APP: variants seen among roughly 807,000 people sequenced by gnomAD.
APP encodes amyloid-beta precursor protein.
A neutral mutation model predicts 101.4 loss-of-function variants in APP; 31 were observed. The observed-to-expected ratio is 0.31, with a 90% CI of 0.23 to 0.41. APP has a LOEUF of 0.41. Ranked by LOEUF, APP falls within the 10% of genes least tolerant of loss-of-function variation. APP has a pLI of 1.00. For missense variants in APP, 839 were observed against 1,003.7 expected (o/e 0.84, Z 2.22); for synonymous variants, 366 against 364.4 (o/e 1.00, Z -0.05).
intron 8 of APP, 91 bp downstream of exon 8, chr21:25,997,269 A>C (rs1413271136): frequency 1.6e-6 from 2 of 1,257,670 alleles, no homozygotes; most frequent in Non-Finnish European, 2.3e-6. Context: ...GAAACACAAA[A>C]CCATGCAAAG....
chr21:26,021,001 C>G (rs2044310187), intron 6 of APP, among the ~76,000 whole-genome samples: 1 of 151,710 alleles, frequency 6.6e-6, no homozygotes, highest in Admixed American at 6.6e-5. Context: ...CATAAATCAC[C>G]TCTGTTAAAA....
At chr21:26,007,527 A>C (rs1032082835) in intron 6 of APP, among the ~76,000 whole-genome samples, 1 of 149,790 alleles carries the variant, frequency 6.7e-6, no homozygotes, top group African/African-American at 2.4e-5. Flanking sequence ...ATGTTTACAT[A>C]ATACATATAT....
At chr21:25,951,204 A>G (rs888745719) in intron 13 of APP, among the ~76,000 whole-genome samples, 1 of 152,204 alleles carries the variant, frequency 6.6e-6, no homozygotes, top group Non-Finnish European at 1.5e-5. Flanking sequence ...ACTGCTCACA[A>G]ATTTAATGTC....
chr21:26,152,802 G>A (rs1191446599), intron 1 of APP, among the ~76,000 whole-genome samples: 3 of 152,086 alleles, frequency 2.0e-5, no homozygotes, highest in African/African-American at 7.2e-5. Context: ...GTATCTACCC[G>A]GAGGAAAAGA....
At chr21:26,112,279 C>T in intron 1 of APP, 133 bp from the exon 2 acceptor site, 1 of 899,136 alleles carries the variant, frequency 1.1e-6, no homozygotes, top group Non-Finnish European at 1.8e-6. Context: ...CGGTCTTCAA[C>T]ACTCCTTTAG....
rs185206880 is a variant in APP at position 25,971,105 on chromosome 21, T to C, written c.1458+3965A>G. ...GCTCTGTCACCACACTGGAGTGCAGTGGCACAATCTCGGCTCACTGCAACC... is the reference window on the plus strand; with the variant it reads ...GCTCTGTCACCACACTGGAGTGCAGCGGCACAATCTCGGCTCACTGCAACC... On this transcript the variant is annotated intron_variant, in intron 11 of 17. Coordinates refer to ENST00000346798, the MANE Select transcript of APP (RefSeq NM_000484.4). Among the ~76,000 whole-genome samples, 782 of 152,208 alleles carry C rather than the reference T, an allele frequency of 5.1e-3. 6 individuals carry two copies. Among genetic ancestry groups the C allele is most frequent in the Non-Finnish European group, 8.3e-3 (565 of 67,994 alleles).
intron 2 of APP, among the ~76,000 whole-genome samples, chr21:26,090,714 G>C (rs2061805739): frequency 6.6e-6 from 1 of 152,156 alleles, no homozygotes; most frequent in Admixed American, 6.5e-5. Context: ...GGGATATTAT[G>C]TTTAGTAAAA....
intron 9 of APP, among the ~76,000 whole-genome samples, chr21:25,977,337 G>C (rs1197879490): frequency 3.3e-5 from 5 of 152,166 alleles, no homozygotes; most frequent in African/African-American, 1.2e-4. Context: ...GAAAGATCAA[G>C]GAAACAAAAT....
intron 13 of APP, among the ~76,000 whole-genome samples, chr21:25,914,667 C>A (rs1009188122): frequency 6.6e-6 from 1 of 151,362 alleles, no homozygotes; most frequent in Non-Finnish European, 1.5e-5. Flanking sequence ...CATTCTCCTG[C>A]CTCAGCCTCC....
rs554761825 is a variant in APP, at chr21:25,899,025, G to A, written c.1964-1352C>T. 2.0e-5 allele frequency among the ~76,000 whole-genome samples: 3 copies of A among 152,370 alleles called. No individual in the cohort carries two copies. In the East Asian group the frequency reaches 5.8e-4, roughly 29 times the overall value. The stretch of plus-strand genomic sequence containing the variant: ...AAAACCTAGGAAATCCACGCTGGTT[G>A]TGACCTAGCACCATTTCCTCATCCA... On this transcript the variant is annotated intron_variant, in intron 15 of 17. Transcript: ENST00000346798.
At chr21:25,981,692 A>C (rs1277559198) in intron 9 of APP, among the ~76,000 whole-genome samples, 3 of 150,870 alleles carry the variant, frequency 2.0e-5, no homozygotes, top group Non-Finnish European at 4.4e-5. Flanking sequence ...CTAAAAAAAA[A>C]CAAACCAAAC....
At chr21:26,028,425 G>A (rs898313133) in intron 5 of APP, among the ~76,000 whole-genome samples, 3 of 152,182 alleles carry the variant, frequency 2.0e-5, no homozygotes, top group Non-Finnish European at 4.4e-5. Flanking sequence ...TTGGCCGGAA[G>A]TGATAGGTGG....
intron 8 of APP, among the ~76,000 whole-genome samples, chr21:25,987,135 T>C (rs1487081953): frequency 6.6e-6 from 1 of 152,220 alleles, no homozygotes; most frequent in African/African-American, 2.4e-5. Flanking sequence ...CGTTGGCTTG[T>C]TTTCTATGAA....
chr21:25,905,938 G>C (rs1465455922), intron 14 of APP, among the ~76,000 whole-genome samples: 1 of 61,018 alleles, frequency 1.6e-5, no homozygotes, highest in Non-Finnish European at 3.1e-5. Context: ...AATGGTCATA[G>C]GGTAAATGAA....
At chr21:26,044,012 C>T (rs1483959359) in intron 5 of APP, among the ~76,000 whole-genome samples, 3 of 152,128 alleles carry the variant, frequency 2.0e-5, no homozygotes, top group Non-Finnish European at 4.4e-5. Context: ...TAGCCATCAA[C>T]TATTTAAAAA....
In APP at chr21:26,115,450, C is replaced by T. The variant is rs2062415094; in HGVS notation, c.58-3304G>A. 1.3e-5 allele frequency among the ~76,000 whole-genome samples: 2 copies of T among 152,216 alleles called. 1 individual carries two copies. Among genetic ancestry groups the T allele is most frequent in the South Asian group, 4.1e-4 (2 of 4,832 alleles). The stretch of plus-strand genomic sequence containing the variant: ...TGCAAACAATTCCATGCTTTCACTA[C>T]ATATGCCTGTCTCCCTGAATTAAAA... On this transcript the variant is annotated intron_variant, in intron 1 of 17. Transcript: ENST00000346798.
chr21:26,103,358 C>A (rs1446681413), intron 2 of APP, among the ~76,000 whole-genome samples: 1 of 152,158 alleles, frequency 6.6e-6, no homozygotes, highest in African/African-American at 2.4e-5. Context: ...CCTGTAATCC[C>A]AGCACTTTGG....
chr21:25,906,017 C>T (rs776232558), intron 14 of APP, among the ~76,000 whole-genome samples: 1 of 152,100 alleles, frequency 6.6e-6, no homozygotes, highest in Non-Finnish European at 1.5e-5. Flanking sequence ...AAAGGTAAGA[C>T]AAAGTGAGCA....
chr21:25,945,243 C>T (rs190926186), intron 13 of APP, among the ~76,000 whole-genome samples: 6 of 152,206 alleles, frequency 3.9e-5, no homozygotes, highest in South Asian at 2.1e-4. Flanking sequence ...AAAATACTAA[C>T]GTTCCTGAAT....
Sources: allele counts gnomAD v4.1 joint callset (sites outside exome capture counted in the v4.1 genomes callset), GRCh38; gene constraint gnomAD v4.1.1; transcripts MANE v1.5; gene names NCBI Gene and HGNC (gene_info 2026-07-23, HGNC 2026-07-21).